The following KCNK1 variants were observed in gnomAD, a reference collection of about 807,000 sequenced individuals.
KCNK1 encodes the protein potassium channel subfamily K member 1.
A neutral mutation model predicts 22.2 loss-of-function variants in KCNK1; 10 were observed. The observed-to-expected ratio is 0.45, with a 90% CI of 0.28 to 0.76. The LOEUF is 0.76. Among genes scored for constraint, KCNK1 ranks in the 30% least tolerant of loss-of-function variants. The probability of loss-of-function intolerance (pLI) is 0.14; values close to 1 mark genes in which losing one functional copy is unlikely to be tolerated. For synonymous variants in KCNK1, 200 were observed against 186.4 expected (o/e 1.07, Z -0.60); for missense variants, 378 against 421.0 (o/e 0.90, Z 0.89).
At chr1:233,669,960 G>A (rs1558121719) in intron 2 of KCNK1, among the ~76,000 whole-genome samples, 1 of 152,130 alleles carries the variant, frequency 6.6e-6, no homozygotes, top group African/African-American at 2.4e-5. Context: ...GTATTCTGTG[G>A]TTAATTAGTT....
At chr1:233,654,194 A>G (rs1485286300) in intron 1 of KCNK1, among the ~76,000 whole-genome samples, 1 of 150,724 alleles carries the variant, frequency 6.6e-6, no homozygotes, top group African/African-American at 2.4e-5. Flanking sequence ...AGAAAAAGCC[A>G]TCGGGGTGGG....
chr1:233,637,891 G>A (rs1346389060), intron 1 of KCNK1, among the ~76,000 whole-genome samples: 1 of 152,056 alleles, frequency 6.6e-6, no homozygotes, highest in African/African-American at 2.4e-5. Flanking sequence ...GGGTTGTGGA[G>A]GGAGAGGGAT....
chr1:233,661,795 ATGT>A (rs1480493099), intron 1 of KCNK1: 33 of 152,396 alleles, frequency 2.2e-4, no homozygotes, highest in African/African-American at 7.9e-4. Context: ...TTATGAAGAC[ATGT>A]TGTATGCAAG....
At chr1:233,639,703 ACC>A (rs1657970794) in intron 1 of KCNK1, among the ~76,000 whole-genome samples, 1 of 152,152 alleles carries the variant, frequency 6.6e-6, no homozygotes, top group Non-Finnish European at 1.5e-5. Context: ...AACAAAGAAA[ACC>A]ACACAACTGT....
rs190526811 is a variant in KCNK1 at position 233,625,249 on chromosome 1, C to T, written c.355+10723C>T. Among the ~76,000 whole-genome samples the T allele has an allele frequency of 9.4e-4, 143 of 152,314 alleles. 1 individual carries two copies. In the East Asian group the frequency reaches 0.01, roughly 11 times the overall value. Reference sequence around the variant, plus strand: ...CAGCAAGGCCTGTCTGGAATCTTCTCGGCCTCTCTGAGCATGTATTCCTTC... The same window carrying T: ...CAGCAAGGCCTGTCTGGAATCTTCTTGGCCTCTCTGAGCATGTATTCCTTC... On this transcript the variant is annotated intron_variant, in intron 1 of 2. Coordinates refer to ENST00000366621, the MANE Select transcript of KCNK1 (RefSeq NM_002245.4).
chr1:233,666,472 G>A lies in KCNK1; in HGVS notation c.356-123G>A, dbSNP rs974820885. On this transcript the variant is annotated intron_variant, in intron 1 of 2. Transcript: ENST00000366621. ...CTAGAGCCCCTAAAGTGGCAGACCT[G>A]AAGTCTCGCTGTTCTCTTTGGTTTG... is the stretch of plus-strand genomic sequence containing the variant. The A allele has an allele frequency of 3.4e-6, 3 of 885,146 alleles. No individual in the cohort carries two copies. The African/African-American group carries it at 5.0e-5, about 15-fold the overall frequency. 54.8% of individuals were successfully genotyped at this position (885,146 alleles called of 1,614,324 possible).
At chr1:233,624,078 T>G (rs1175387493) in intron 1 of KCNK1, 3 of 153,796 alleles carry the variant, frequency 2.0e-5, no homozygotes, top group Non-Finnish European at 4.4e-5. Flanking sequence ...TCTTGTTATG[T>G]GGGGGGCTCT....
At chr1:233,668,358 C>T (rs970141330) in intron 2 of KCNK1, among the ~76,000 whole-genome samples, 1 of 152,170 alleles carries the variant, frequency 6.6e-6, no homozygotes, top group Non-Finnish European at 1.5e-5. Flanking sequence ...ACCATGGGCT[C>T]AGCCAAAACA....
At chr1:233,658,481 G>T (rs1658338625) in intron 1 of KCNK1, among the ~76,000 whole-genome samples, 1 of 152,100 alleles carries the variant, frequency 6.6e-6, no homozygotes, top group Non-Finnish European at 1.5e-5. Flanking sequence ...TATTAAGCAA[G>T]AATCATCTAA....
chr1:233,628,339 T>C (rs1198355104), intron 1 of KCNK1, among the ~76,000 whole-genome samples: 1 of 152,186 alleles, frequency 6.6e-6, no homozygotes, highest in African/African-American at 2.4e-5. Context: ...AAACTACCCA[T>C]TGGATACTAT....
At chr1:233,616,789 A>G (rs747772544) in intron 1 of KCNK1, among the ~76,000 whole-genome samples, 5 of 152,244 alleles carry the variant, frequency 3.3e-5, no homozygotes, top group Admixed American at 6.5e-5. Context: ...TAAAGTCTTC[A>G]AATTATCATA....
chr1:233,671,753 C>A lies in KCNK1; in HGVS notation c.*223C>A, dbSNP rs1272318301. The A allele has an allele frequency of 5.3e-6, 3 of 570,950 alleles. No homozygotes were observed. Among genetic ancestry groups the A allele is most frequent in the Admixed American group, 3.2e-5 (1 of 30,938 alleles). 35.4% of individuals were successfully genotyped at this position (570,950 alleles called of 1,614,324 possible). A position where few individuals can be genotyped will look rare whatever the true frequency, so the allele number is the denominator to read the frequency against. Reference sequence around the variant, plus strand: ...ATATGTGAGGAAATGAGATGTCCACCTAAAATTCATATGTGACAAAATTAT... The same window carrying A: ...ATATGTGAGGAAATGAGATGTCCACATAAAATTCATATGTGACAAAATTAT... On this transcript the variant is annotated 3_prime_UTR_variant, in exon 3 of 3. Coordinates refer to ENST00000366621, the MANE Select transcript of KCNK1 (RefSeq NM_002245.4).
At chr1:233,653,831 A>G (rs957225120) in intron 1 of KCNK1, among the ~76,000 whole-genome samples, 1 of 152,100 alleles carries the variant, frequency 6.6e-6, no homozygotes, top group Non-Finnish European at 1.5e-5. Flanking sequence ...ATATATCTAT[A>G]TATATCCTAT....
In KCNK1 at chr1:233,651,289, C is replaced by T. The variant is rs1658198482; in HGVS notation, c.356-15306C>T. The stretch of plus-strand genomic sequence containing the variant: ...ATGCCTACAGCACGAATTTAAAAAC[C>T]TCATTCTAAAAGTGCATTACTGAAA... On this transcript the variant is annotated intron_variant, in intron 1 of 2. Transcript: ENST00000366621. 2.0e-5 allele frequency among the ~76,000 whole-genome samples: 3 copies of T among 152,122 alleles called. No homozygotes were observed. The South Asian group carries it at 6.2e-4, about 32-fold the overall frequency.
At position 233,646,439 on chromosome 1, in the gene KCNK1, T is replaced by G. The variant is rs559243673; in HGVS notation, c.356-20156T>G. ...CTAGACGGAATCACGCAGGGAGAGC[T>G]GCCTAGAGGATAAGATGCTGCTAAT... On this transcript the variant is annotated intron_variant, in intron 1 of 2. Coordinates refer to ENST00000366621, the MANE Select transcript of KCNK1 (RefSeq NM_002245.4). 2.0e-5 allele frequency among the ~76,000 whole-genome samples: 3 copies of G among 152,252 alleles called. No individual in the cohort carries two copies. In the East Asian group the frequency reaches 5.8e-4, roughly 29 times the overall value.
chr1:233,626,437 C>T (rs183548859), intron 1 of KCNK1, among the ~76,000 whole-genome samples: 1 of 152,168 alleles, frequency 6.6e-6, no homozygotes, highest in East Asian at 1.9e-4. Flanking sequence ...ACAGTAAACC[C>T]TAATGGGGCG....
chr1:233,640,264 C>T (rs1413739141), intron 1 of KCNK1, among the ~76,000 whole-genome samples: 1 of 151,996 alleles, frequency 6.6e-6, no homozygotes, highest in Non-Finnish European at 1.5e-5. Context: ...TAAGAAATAC[C>T]AATTATGCAG....
chr1:233,626,544 G>A (rs1188967275), intron 1 of KCNK1, among the ~76,000 whole-genome samples: 1 of 152,148 alleles, frequency 6.6e-6, no homozygotes, highest in Non-Finnish European at 1.5e-5. Flanking sequence ...TTAACTCACT[G>A]CAGAGGCTGA....
At chr1:233,628,983 C>T (rs968337810) in intron 1 of KCNK1, among the ~76,000 whole-genome samples, 76 of 152,184 alleles carry the variant, frequency 5.0e-4, no homozygotes, top group Non-Finnish European at 1.8e-4. Flanking sequence ...CTCTAGATTT[C>T]GGTTGCTTCA....
Sources: gnomAD v4.1 joint callset for allele counts (sites outside exome capture counted in the v4.1 genomes callset) on GRCh38, gnomAD v4.1.1 for gene constraint, MANE v1.5 for transcripts, NCBI Gene and HGNC (gene_info 2026-07-23, HGNC 2026-07-21) for gene names.